Variants in CEP112 observed in about 807,000 individuals in gnomAD.
The protein encoded by CEP112 is centrosomal protein 112, also known as centrosomal protein of 112 kDa.
Under a neutral mutation model 153.0 loss-of-function variants are expected in CEP112, and 127 were observed. That is an observed-to-expected ratio of 0.83 (90% CI 0.72 to 0.96). The LOEUF (loss-of-function observed/expected upper bound fraction) is 0.96, where lower values mean the gene tolerates loss of function less well. CEP112 is among the 40% of genes least tolerant of loss of function. The pLI is 0.00. For synonymous variants in CEP112, 358 were observed against 374.4 expected, an observed-to-expected ratio of 0.96 and a Z score of 0.51; for missense variants, 1,089 against 1,101.2, an observed-to-expected ratio of 0.99 and a Z score of 0.16.
intron 18 of CEP112, among the ~76,000 whole-genome samples, chr17:65,938,322 T>C (rs2061413027): frequency 7.0e-6 from 1 of 142,134 alleles, no homozygotes; most frequent in African/African-American, 2.6e-5. Context: ...CCAGAGACCT[T>C]TGTTCACTTG....
intron 4 of CEP112, among the ~76,000 whole-genome samples, chr17:66,150,990 T>C (rs1277882787): frequency 1.3e-5 from 2 of 152,214 alleles, no homozygotes; most frequent in Non-Finnish European, 1.5e-5. Flanking sequence ...TTTTATCTGA[T>C]ATTCAGTATA....
At chr17:66,081,675 G>T (rs185546695) in intron 8 of CEP112, among the ~76,000 whole-genome samples, 22 of 150,904 alleles carry the variant, frequency 1.5e-4, no homozygotes, top group Middle Eastern at 3.5e-3. Context: ...CCAGCACTCC[G>T]GGAGGCCGAG....
intron 4 of CEP112, among the ~76,000 whole-genome samples, chr17:66,172,711 A>T (rs2146848027): frequency 6.6e-6 from 1 of 152,270 alleles, no homozygotes; most frequent in Non-Finnish European, 1.5e-5. Context: ...TCCTACCCTG[A>T]ACCCTTCTCT....
intron 18 of CEP112, among the ~76,000 whole-genome samples, chr17:65,939,930 C>T (rs1054983065): frequency 3.9e-5 from 6 of 151,952 alleles, no homozygotes; most frequent in African/African-American, 7.3e-5. Flanking sequence ...GGAAACTAAA[C>T]AATCAACAAA....
intron 4 of CEP112, among the ~76,000 whole-genome samples, chr17:66,171,670 C>T (rs1292507352): frequency 6.6e-6 from 1 of 152,112 alleles, no homozygotes; most frequent in Non-Finnish European, 1.5e-5. Flanking sequence ...GTTTCCTTGG[C>T]TTTAGCTAAA....
intron 21 of CEP112, among the ~76,000 whole-genome samples, chr17:65,806,937 C>A (rs963593782): frequency 1.3e-5 from 2 of 152,106 alleles, no homozygotes; most frequent in Admixed American, 1.3e-4. Context: ...GACTTTGGAA[C>A]TGGATAACGA....
chr17:66,034,358 TA>T (rs1323136117), intron 12 of CEP112, among the ~76,000 whole-genome samples: 4 of 152,078 alleles, frequency 2.6e-5, no homozygotes, highest in African/African-American at 9.7e-5. Context: ...AACATAGAGG[TA>T]AAGATATTCC....
intron 16 of CEP112, among the ~76,000 whole-genome samples, chr17:66,026,228 T>C (rs191467206): frequency 6.5e-4 from 99 of 152,252 alleles, no homozygotes; most frequent in South Asian, 5.8e-3. Context: ...TTCATGATTA[T>C]GTAATATATC....
chr17:65,871,507 C>T (rs189384454), intron 20 of CEP112, among the ~76,000 whole-genome samples: 5 of 152,064 alleles, frequency 3.3e-5, no homozygotes, highest in Admixed American at 6.6e-5. Context: ...TGGTGGCAGG[C>T]GCCTATAGTC....
At chr17:66,072,968 G>T (rs1342885629) in intron 8 of CEP112, among the ~76,000 whole-genome samples, 1 of 152,116 alleles carries the variant, frequency 6.6e-6, no homozygotes, top group African/African-American at 2.4e-5. Context: ...TATAAATATA[G>T]ATATGTACCT....
At chr17:66,034,455 G>A (rs2319115) in intron 12 of CEP112, among the ~76,000 whole-genome samples, 62,431 of 151,776 alleles carry the variant, frequency 0.41, 14,302 homozygotes, top group East Asian at 0.87. Flanking sequence ...TAAAATTTTA[G>A]AAAGTATCAA....
At chr17:66,140,939 G>A (rs999514091) in intron 4 of CEP112, among the ~76,000 whole-genome samples, 2 of 151,966 alleles carry the variant, frequency 1.3e-5, no homozygotes, top group Non-Finnish European at 1.5e-5. Context: ...GAGCCACCGT[G>A]CCCAGCCTTA....
intron 17 of CEP112, among the ~76,000 whole-genome samples, chr17:65,970,736 G>T: frequency 1.6e-5 from 1 of 62,828 alleles, no homozygotes; most frequent in Non-Finnish European, 3.3e-5. Context: ...TCACATGCAT[G>T]TGTTAATACA....
chr17:65,689,282 C>T, intron 23 of CEP112, 64 bp from the exon 24 acceptor site: 6 of 1,162,050 alleles, frequency 5.2e-6, no homozygotes, highest in Non-Finnish European at 6.4e-6. Context: ...AGTTCTACAC[C>T]ATGAACTGGC....
At chr17:66,054,385 C>T (rs539004185) in intron 11 of CEP112, among the ~76,000 whole-genome samples, 1 of 152,240 alleles carries the variant, frequency 6.6e-6, no homozygotes, top group Non-Finnish European at 1.5e-5. Flanking sequence ...CAAAAACAGA[C>T]AAAAAGATCA....
intron 21 of CEP112, among the ~76,000 whole-genome samples, chr17:65,776,266 G>A (rs181901055): frequency 2.0e-5 from 3 of 152,042 alleles, no homozygotes; most frequent in Admixed American, 1.3e-4. Context: ...ACGGAGTCTC[G>A]CTCTGTCGCC....
intron 21 of CEP112, chr17:65,826,351 C>T (rs1598708413): frequency 1.2e-6 from 2 of 1,608,428 alleles, no homozygotes; most frequent in Non-Finnish European, 1.7e-6. Context: ...GCCCTCAGTG[C>T]AGGCTGTAGG....
At position 66,183,189 on chromosome 17, in the gene CEP112, C is replaced by A; in HGVS notation, c.106+5G>T. 6.5e-7 allele frequency: 1 copy of A among 1,546,252 alleles called. No homozygotes were observed. ...TAAGAATCTAATCTTCAAACATAATCTTACCTGTCCTATGAGGTAATTTTA... is the reference window on the plus strand; with the variant it reads ...TAAGAATCTAATCTTCAAACATAATATTACCTGTCCTATGAGGTAATTTTA... On this transcript the variant is annotated splice_donor_5th_base_variant and intron_variant, in intron 2 of 26. Coordinates refer to ENST00000535342, the MANE Select transcript of CEP112 (RefSeq NM_001199165.4).
chr17:66,147,164 C>T (rs2070953148), intron 4 of CEP112, among the ~76,000 whole-genome samples: 1 of 145,798 alleles, frequency 6.9e-6, no homozygotes, highest in Non-Finnish European at 1.5e-5. Context: ...CACATTCTCA[C>T]CAACACTTTT....
Sources: gnomAD v4.1 joint callset for allele counts (sites outside exome capture counted in the v4.1 genomes callset) on GRCh38, gnomAD v4.1.1 for gene constraint, MANE v1.5 for transcripts, NCBI Gene and HGNC (gene_info 2026-07-23, HGNC 2026-07-21) for gene names.